PIGN: variants seen among roughly 807,000 people sequenced by gnomAD.
PIGN encodes the protein phosphatidylinositol glycan anchor biosynthesis class N, also known as GPI ethanolamine phosphate transferase 1.
A neutral mutation model predicts 125.4 loss-of-function variants in PIGN; 117 were observed. The ratio of observed to expected loss-of-function variants is 0.93; its 90% confidence interval spans 0.80 to 1.09. The LOEUF is 1.09. Ranked by LOEUF, PIGN falls within the 50% of genes least tolerant of loss-of-function variation. The pLI, the probability that PIGN is intolerant of heterozygous loss-of-function variation, is 0.00. For synonymous variants in PIGN, 392 were observed against 377.8 expected, an observed-to-expected ratio of 1.04 and a Z score of -0.44; for missense variants, 1,075 against 1,094.9, an observed-to-expected ratio of 0.98 and a Z score of 0.26.
chr18:62,086,017 C>T (rs2033681197), intron 25 of PIGN, among the ~76,000 whole-genome samples: 1 of 152,112 alleles, frequency 6.6e-6, no homozygotes, highest in African/African-American at 2.4e-5. Context: ...TGAGCTGAGC[C>T]TTTAATGTAT....
intron 22 of PIGN, among the ~76,000 whole-genome samples, chr18:62,097,824 C>CG (rs1315332258): frequency 6.6e-6 from 1 of 151,980 alleles, no homozygotes; most frequent in Non-Finnish European, 1.5e-5. Flanking sequence ...GACTCTCCCC[C>CG]GGGATAATAA....
intron 27 of PIGN, 24 bp downstream of exon 27, chr18:62,084,507 A>T: frequency 7.1e-7 from 1 of 1,405,182 alleles, no homozygotes; most frequent in South Asian, 1.3e-5. Context: ...AGCTTAAGAC[A>T]AATAACAAAA....
Position 62,044,297 on chromosome 18 carries a change from C to T in PIGN, c.*1559G>A, listed in dbSNP as rs2030505808. On this transcript the variant is annotated 3_prime_UTR_variant, in exon 31 of 31. Transcript: ENST00000640252. ...TGGGAAAAGATAAAAGGCAAAACTA[C>T]ACATAGAAAAAGGTCAGTGATAAGT... The T allele has an allele frequency of 6.6e-6, 1 of 152,118 alleles. No homozygotes were observed. The highest frequency in any genetic ancestry group is 1.5e-5 in the Non-Finnish European group (1 of 68,024). 9.4% of individuals were successfully genotyped at this position (152,118 alleles called of 1,614,324 possible). A position where few individuals can be genotyped will look rare whatever the true frequency, so the allele number is the denominator to read the frequency against.
intron 10 of PIGN, among the ~76,000 whole-genome samples, chr18:62,144,086 G>GA (rs1202623839): frequency 6.6e-6 from 1 of 152,060 alleles, no homozygotes; most frequent in Non-Finnish European, 1.5e-5. Context: ...ATCAGTTGAT[G>GA]AAAAAATGCC....
Position 62,143,340 on chromosome 18 carries a change from C to T in PIGN, c.929G>A (p.Arg310Lys). 1.3e-6 allele frequency: 2 copies of T among 1,521,830 alleles called. No homozygotes were observed. The highest frequency in any genetic ancestry group is 2.3e-5 in the South Asian group (2 of 85,126). 94.3% of individuals were successfully genotyped at this position (1,521,830 alleles called of 1,614,324 possible). A position where few individuals can be genotyped will look rare whatever the true frequency, so the allele number is the denominator to read the frequency against. ...ATCTAGCCTCTTCCAATTCTCCAAT[C>T]TCCACTCTGAAAGATACAATCAGAC... ...QFDDAFLKEWRLENWKRLDVN... is the reference protein window; with the variant it reads ...QFDDAFLKEWKLENWKRLDVN... Residue 310 changes from arginine to lysine, a missense_variant, in exon 11 of 31, where the codon AGA becomes AAA. This residue lies in a region of PIGN where 915 missense variants were observed against 908.7 expected (regional missense o/e 1.01). Coordinates refer to ENST00000640252, the MANE Select transcript of PIGN (RefSeq NM_176787.5).
At chr18:62,053,528 C>T (rs941980678) in intron 30 of PIGN, among the ~76,000 whole-genome samples, 1 of 151,996 alleles carries the variant, frequency 6.6e-6, no homozygotes, top group Non-Finnish European at 1.5e-5. Context: ...AAAACATGAC[C>T]GTGACCAAAC....
At chr18:62,079,926 C>T (rs1241036051) in intron 28 of PIGN, among the ~76,000 whole-genome samples, 2 of 151,830 alleles carry the variant, frequency 1.3e-5, no homozygotes, top group Non-Finnish European at 2.9e-5. Context: ...AAACACTTTC[C>T]CAATAAAAGT....
At chr18:62,122,856 T>A (rs1471294383) in intron 14 of PIGN, among the ~76,000 whole-genome samples, 1 of 152,160 alleles carries the variant, frequency 6.6e-6, no homozygotes, top group Non-Finnish European at 1.5e-5. Flanking sequence ...AAGTTTTAGA[T>A]ATAATATAGT....
intron 14 of PIGN, among the ~76,000 whole-genome samples, chr18:62,123,177 C>T (rs1599573050): frequency 6.6e-6 from 1 of 152,192 alleles, no homozygotes; most frequent in African/African-American, 2.4e-5. Flanking sequence ...GAAGTCAAGG[C>T]TCCAGTGAGC....
chr18:62,027,515 G>A (rs1380782582), intron 23 of PIGN, among the ~76,000 whole-genome samples: 3 of 152,202 alleles, frequency 2.0e-5, no homozygotes, highest in East Asian at 1.9e-4. Flanking sequence ...GCAAAAGCGG[G>A]ACAACTCAAA....
Position 62,157,111 on chromosome 18 carries a change from A to G in PIGN, c.442+18T>C, listed in dbSNP as rs1292110609. 7 of 1,355,564 alleles carry G rather than the reference A, an allele frequency of 5.2e-6. No individual in the cohort carries two copies. Among genetic ancestry groups the G allele is most frequent in the Non-Finnish European group, 7.3e-6 (7 of 964,422 alleles). 84.0% of individuals were successfully genotyped at this position (1,355,564 alleles called of 1,614,324 possible). ...CTCCCTATTTACTATCTGAGGAAAC[A>G]TAATCAGTGACTCTTACCTTTGGCA... On this transcript the variant is annotated intron_variant, in intron 6 of 30. Coordinates refer to ENST00000640252, the MANE Select transcript of PIGN (RefSeq NM_176787.5).
chr18:62,096,543 T>A (rs1459598389), intron 22 of PIGN, among the ~76,000 whole-genome samples: 6 of 73,776 alleles, frequency 8.1e-5, no homozygotes, highest in Admixed American at 1.7e-4. Flanking sequence ...TTTTTTTTTT[T>A]ATTATACTCT....
At chr18:62,127,470 T>C (rs1599584125) in intron 14 of PIGN, among the ~76,000 whole-genome samples, 1 of 151,802 alleles carries the variant, frequency 6.6e-6, no homozygotes, top group African/African-American at 2.4e-5. Flanking sequence ...CGAAAAATCC[T>C]AAGTCAAACC....
At chr18:62,092,961 G>C (rs1030066072) in intron 23 of PIGN, among the ~76,000 whole-genome samples, 5 of 151,924 alleles carry the variant, frequency 3.3e-5, no homozygotes, top group African/African-American at 1.2e-4. Context: ...TTAATTGTTT[G>C]ATTTTGTAAT....
downstream of PIGN, among the ~76,000 whole-genome samples, chr18:62,036,491 CAAGTAAA>C: frequency 6.6e-6 from 1 of 152,122 alleles, no homozygotes; most frequent in Non-Finnish European, 1.5e-5. Context: ...ATGCTTGCCA[CAAGTAAA>C]ACACATGTGA....
intron 14 of PIGN, chr18:62,137,431 T>A (rs2035975715): frequency 4.1e-6 from 1 of 243,246 alleles, no homozygotes; most frequent in African/African-American, 2.2e-5. Flanking sequence ...TAAACTCCCC[T>A]TCACATATAC....
chr18:62,063,053 A>C (rs1220234939), intron 30 of PIGN, among the ~76,000 whole-genome samples: 1 of 151,680 alleles, frequency 6.6e-6, no homozygotes, highest in Non-Finnish European at 1.5e-5. Flanking sequence ...TAGCTCTTTT[A>C]AAATGTACTG....
intron 24 of PIGN, among the ~76,000 whole-genome samples, chr18:62,089,148 T>C (rs1432022553): frequency 6.6e-6 from 1 of 152,190 alleles, no homozygotes; most frequent in Non-Finnish European, 1.5e-5. Context: ...TTAAAATCCC[T>C]ATATAATTCT....
chr18:62,150,641 G>A (rs2036497216), intron 7 of PIGN, among the ~76,000 whole-genome samples: 1 of 152,106 alleles, frequency 6.6e-6, no homozygotes, highest in South Asian at 2.1e-4. Context: ...CATAGAAATA[G>A]AAAGTAGAAT....
Sources: gnomAD v4.1 joint callset for allele counts (sites outside exome capture counted in the v4.1 genomes callset) on GRCh38, gnomAD v4.1.1 for gene constraint, gnomAD v4.1.1 regional missense constraint, MANE v1.5 for transcripts, NCBI Gene and HGNC (gene_info 2026-07-23, HGNC 2026-07-21) for gene names.